The following ARSB variants were observed in gnomAD, a reference collection of about 807,000 sequenced individuals.
ARSB encodes N-acetylgalactosamine-4-sulfatase.
Under a neutral mutation model 50.9 loss-of-function variants are expected in ARSB, and 41 were observed. The ratio of observed to expected loss-of-function variants is 0.81; its 90% CI spans 0.63 to 1.04. The LOEUF (loss-of-function observed/expected upper bound fraction) is 1.04. Among genes scored for constraint, ARSB ranks in the 50% least tolerant of loss-of-function variants. The probability of loss-of-function intolerance (pLI) is 0.00; values close to 1 mark genes in which losing one functional copy is unlikely to be tolerated. For missense variants in ARSB, 672 were observed against 693.3 expected (o/e 0.97, Z 0.35); for synonymous variants, 269 against 284.8 (o/e 0.94, Z 0.56).
intron 1 of ARSB, among the ~76,000 whole-genome samples, chr5:78,971,845 C>T (rs1752467408): frequency 1.3e-5 from 2 of 150,942 alleles, no homozygotes; most frequent in East Asian, 1.9e-4. Context: ...CAAAGTTTAT[C>T]GAATTGTATA....
At chr5:78,922,886 T>C (rs1469762418) in intron 4 of ARSB, among the ~76,000 whole-genome samples, 2 of 151,884 alleles carry the variant, frequency 1.3e-5, no homozygotes, top group Non-Finnish European at 2.9e-5. Context: ...CCTCCCAAAG[T>C]GCTGGGATTA....
chr5:78,885,332 A>G, intron 5 of ARSB: 3 of 540,404 alleles, frequency 5.6e-6, no homozygotes, highest in Non-Finnish European at 9.1e-6. Flanking sequence ...CGCAGCTTCA[A>G]AGACCTTCCA....
chr5:78,831,797 G>C (rs1223466434), intron 6 of ARSB, among the ~76,000 whole-genome samples: 3 of 152,138 alleles, frequency 2.0e-5, no homozygotes, highest in Non-Finnish European at 4.4e-5. Flanking sequence ...TGAGCCCCAT[G>C]CATTCCCCCT....
At chr5:78,860,010 T>A (rs1251168615) in intron 5 of ARSB, among the ~76,000 whole-genome samples, 1 of 152,194 alleles carries the variant, frequency 6.6e-6, no homozygotes, top group African/African-American at 2.4e-5. Context: ...CCTTAAACAT[T>A]TAGTTTGAAC....
intron 6 of ARSB, among the ~76,000 whole-genome samples, chr5:78,799,401 G>A (rs572031960): frequency 7.2e-5 from 11 of 152,252 alleles, no homozygotes; most frequent in South Asian, 2.1e-4. Context: ...AATGCCAACC[G>A]TTAGACACTT....
intron 5 of ARSB, among the ~76,000 whole-genome samples, chr5:78,846,259 A>C (rs1248740943): frequency 6.6e-6 from 1 of 152,218 alleles, no homozygotes; most frequent in Non-Finnish European, 1.5e-5. Context: ...ATTTTACACA[A>C]GTAACATGCT....
At chr5:78,838,821 A>T (rs570523574) in intron 6 of ARSB, among the ~76,000 whole-genome samples, 1 of 151,728 alleles carries the variant, frequency 6.6e-6, no homozygotes, top group East Asian at 1.9e-4. Context: ...TTACAGGTTA[A>T]TTTAGGCAGG....
chr5:78,919,124 G>A (rs1234326317), intron 4 of ARSB, among the ~76,000 whole-genome samples: 1 of 152,206 alleles, frequency 6.6e-6, no homozygotes, highest in African/African-American at 2.4e-5. Flanking sequence ...AGAGAATGGA[G>A]CTCAATATTC....
intron 4 of ARSB, among the ~76,000 whole-genome samples, chr5:78,892,369 C>T (rs530435743): frequency 4.0e-5 from 6 of 150,180 alleles, no homozygotes; most frequent in Admixed American, 4.0e-4. Flanking sequence ...GATTCTCATG[C>T]CTCAACTTCC....
intron 6 of ARSB, among the ~76,000 whole-genome samples, chr5:78,830,859 G>A (rs956088975): frequency 2.6e-5 from 4 of 152,126 alleles, no homozygotes; most frequent in South Asian, 2.1e-4. Context: ...AACTAGAGAC[G>A]ACACAAAATT....
intron 4 of ARSB, among the ~76,000 whole-genome samples, chr5:78,913,769 G>C (rs1341806184): frequency 6.6e-6 from 1 of 151,516 alleles, no homozygotes; most frequent in African/African-American, 2.4e-5. Context: ...ATTTCAGCTG[G>C]GGGAAAAAAA....
intron 6 of ARSB, among the ~76,000 whole-genome samples, chr5:78,785,928 C>T (rs890105520): frequency 1.3e-5 from 2 of 152,132 alleles, no homozygotes; most frequent in African/African-American, 4.8e-5. Flanking sequence ...GAGGTGGCAA[C>T]TTTTCCTTCT....
At chr5:78,831,104 G>A (rs186743825) in intron 6 of ARSB, among the ~76,000 whole-genome samples, 43 of 152,242 alleles carry the variant, frequency 2.8e-4, no homozygotes, top group Admixed American at 5.2e-4. Context: ...TGCCCCAATC[G>A]TAGCAGCCAG....
intron 5 of ARSB, among the ~76,000 whole-genome samples, chr5:78,851,036 G>T (rs1745747574): frequency 6.6e-6 from 1 of 152,128 alleles, no homozygotes; most frequent in Non-Finnish European, 1.5e-5. Context: ...ATTTTTTGAA[G>T]GGTTTTTTGT....
At chr5:78,970,971 G>GAGAA (rs749803816) in intron 1 of ARSB, among the ~76,000 whole-genome samples, 11 of 152,162 alleles carry the variant, frequency 7.2e-5, no homozygotes, top group Admixed American at 1.3e-4. Flanking sequence ...GTCTCAAAAA[G>GAGAA]AGAAAGAAAG....
chr5:78,906,577 A>G (rs937813774), intron 4 of ARSB, among the ~76,000 whole-genome samples: 4 of 152,144 alleles, frequency 2.6e-5, no homozygotes, highest in Admixed American at 1.3e-4. Context: ...TTTATTCCCC[A>G]TTCTCCATTC....
intron 6 of ARSB, among the ~76,000 whole-genome samples, chr5:78,782,542 C>T (rs766543014): frequency 6.6e-6 from 1 of 152,104 alleles, no homozygotes; most frequent in African/African-American, 2.4e-5. Context: ...ATTTGGTATA[C>T]AAATTTTTGG....
chr5:78,873,033 T>TA (rs772010413), intron 5 of ARSB, among the ~76,000 whole-genome samples: 1 of 151,328 alleles, frequency 6.6e-6, no homozygotes, highest in Admixed American at 6.6e-5. Context: ...CCATACGAGT[T>TA]AAAAAAAATA....
intron 4 of ARSB, among the ~76,000 whole-genome samples, chr5:78,927,832 G>A (rs1421370404): frequency 6.6e-6 from 1 of 152,208 alleles, no homozygotes; most frequent in East Asian, 1.9e-4. Flanking sequence ...CACAAGACCA[G>A]AATCCAGAGA....
Sources: allele counts gnomAD v4.1 joint callset (sites outside exome capture counted in the v4.1 genomes callset), GRCh38; gene constraint gnomAD v4.1.1; transcripts MANE v1.5; gene names NCBI Gene and HGNC (gene_info 2026-07-23, HGNC 2026-07-21).